The following NTRK2 variants were observed in gnomAD, a reference collection of about 807,000 sequenced individuals.
The protein encoded by NTRK2 is BDNF/NT-3 growth factors receptor.
A neutral mutation model predicts 94.5 loss-of-function variants in NTRK2; 13 were observed. The ratio of observed to expected loss-of-function variants is 0.14; its 90% CI spans 0.09 to 0.22. NTRK2 has a LOEUF of 0.22. NTRK2 is among the 10% of genes least tolerant of loss of function. The probability of loss-of-function intolerance (pLI) is 1.00; values close to 1 mark genes in which losing one functional copy is unlikely to be tolerated. For synonymous variants in NTRK2, 372 were observed against 407.4 expected (o/e 0.91, Z 1.05); for missense variants, 639 against 1,071.2 (o/e 0.60, Z 5.63).
chr9:84,918,307 TC>T (rs1168155718), intron 14 of NTRK2, among the ~76,000 whole-genome samples: 1 of 152,362 alleles, frequency 6.6e-6, no homozygotes, highest in Admixed American at 6.5e-5. Context: ...CTACCTCTTT[TC>T]TGCCTCCTTT....
chr9:84,684,421 G>C (rs2059586947), intron 2 of NTRK2, among the ~76,000 whole-genome samples: 1 of 152,160 alleles, frequency 6.6e-6, no homozygotes, highest in Admixed American at 6.5e-5. Context: ...TGGCTAGCCA[G>C]TTTTCCCAGT....
chr9:84,808,303 A>G (rs1034005374), intron 12 of NTRK2, among the ~76,000 whole-genome samples: 3 of 152,214 alleles, frequency 2.0e-5, no homozygotes, highest in African/African-American at 7.2e-5. Context: ...AGCCTGGTTA[A>G]GTTCCTGCTG....
intron 12 of NTRK2, among the ~76,000 whole-genome samples, chr9:84,834,207 T>C (rs531896314): frequency 1.6e-3 from 250 of 152,334 alleles, no homozygotes; most frequent in Non-Finnish European, 2.8e-3. Context: ...AATTTGAATT[T>C]TAGATAAACA....
chr9:84,792,406 T>TC (rs1392352397), intron 12 of NTRK2, among the ~76,000 whole-genome samples: 1 of 152,200 alleles, frequency 6.6e-6, no homozygotes. Context: ...AAGGGAAACT[T>TC]CAGTTAAAAA....
intron 17 of NTRK2, among the ~76,000 whole-genome samples, chr9:84,985,367 G>A (rs1252398220): frequency 6.6e-6 from 1 of 152,094 alleles, no homozygotes; most frequent in Non-Finnish European, 1.5e-5. Context: ...CACGTTATAG[G>A]GGCTACTGAT....
At chr9:84,868,560 CTG>C (rs1488582224) in intron 14 of NTRK2, among the ~76,000 whole-genome samples, 1 of 152,112 alleles carries the variant, frequency 6.6e-6, no homozygotes, top group African/African-American at 2.4e-5. Flanking sequence ...TTGGTTGACT[CTG>C]TAACATGACA....
At chr9:84,812,812 C>A in intron 12 of NTRK2, 1 of 1,039,344 alleles carries the variant, frequency 9.6e-7, no homozygotes, top group Non-Finnish European at 1.2e-6. Context: ...AGAAGGATTG[C>A]AAGGTAGATT....
chr9:84,702,867 T>C (rs549298105), intron 4 of NTRK2, among the ~76,000 whole-genome samples: 1 of 152,236 alleles, frequency 6.6e-6, no homozygotes, highest in African/African-American at 2.4e-5. Flanking sequence ...GAACCTTCAT[T>C]TTCCCAAAGC....
intron 14 of NTRK2, among the ~76,000 whole-genome samples, chr9:84,932,246 T>C (rs564987404): frequency 6.6e-6 from 1 of 152,298 alleles, no homozygotes; most frequent in East Asian, 1.9e-4. Flanking sequence ...ATAAGGGAAA[T>C]AATTCATACT....
intron 14 of NTRK2, among the ~76,000 whole-genome samples, chr9:84,885,534 C>A (rs902370952): frequency 2.6e-5 from 4 of 151,588 alleles, no homozygotes; most frequent in Admixed American, 2.0e-4. Flanking sequence ...TTTTAATAAT[C>A]CTGAGAAGCA....
chr9:84,723,175 A>C (rs1024987369), intron 6 of NTRK2, among the ~76,000 whole-genome samples: 5 of 152,202 alleles, frequency 3.3e-5, no homozygotes, highest in Non-Finnish European at 7.3e-5. Flanking sequence ...CATTAGTAAA[A>C]AATGGGGGGT....
At chr9:84,684,132 C>G (rs2059566271) in intron 2 of NTRK2, among the ~76,000 whole-genome samples, 1 of 148,742 alleles carries the variant, frequency 6.7e-6, no homozygotes, top group Non-Finnish European at 1.5e-5. Context: ...AATTTTCTCC[C>G]ATTCTGTAGG....
chr9:84,816,032 C>G (rs762429769), intron 12 of NTRK2, among the ~76,000 whole-genome samples: 1 of 150,966 alleles, frequency 6.6e-6, no homozygotes, highest in Non-Finnish European at 1.5e-5. Flanking sequence ...TTTTAAAAAC[C>G]CTAAATTCTA....
chr9:84,827,556 T>C (rs897263822), intron 12 of NTRK2, among the ~76,000 whole-genome samples: 2 of 152,224 alleles, frequency 1.3e-5, no homozygotes, highest in Admixed American at 1.3e-4. Context: ...CAATGTACAT[T>C]TTTAAAGAAC....
intron 12 of NTRK2, among the ~76,000 whole-genome samples, chr9:84,775,232 C>T (rs1372317534): frequency 6.6e-6 from 1 of 152,236 alleles, no homozygotes; most frequent in Non-Finnish European, 1.5e-5. Context: ...TGCTCCTCTC[C>T]CTCATTGCCC....
At chr9:84,737,601 T>G (rs1246004291) in intron 9 of NTRK2, among the ~76,000 whole-genome samples, 1 of 151,910 alleles carries the variant, frequency 6.6e-6, no homozygotes, top group African/African-American at 2.4e-5. Context: ...TTGTCAGGAG[T>G]GCGGCTGTGG....
At chr9:84,807,489 C>G (rs2071260863) in intron 12 of NTRK2, among the ~76,000 whole-genome samples, 1 of 152,174 alleles carries the variant, frequency 6.6e-6, no homozygotes, top group African/African-American at 2.4e-5. Context: ...GCAATGGTGG[C>G]AAAGTTTCTC....
At chr9:84,731,454 A>C (rs569002833) in intron 9 of NTRK2, among the ~76,000 whole-genome samples, 2 of 152,322 alleles carry the variant, frequency 1.3e-5, no homozygotes, top group South Asian at 4.1e-4. Flanking sequence ...AACGTAAAAA[A>C]TAATTTTTAA....
At chr9:84,726,307 T>G (rs755865833) in intron 8 of NTRK2, among the ~76,000 whole-genome samples, 1 of 152,106 alleles carries the variant, frequency 6.6e-6, no homozygotes, top group African/African-American at 2.4e-5. Flanking sequence ...GGCAACATGA[T>G]GAAACCCCGT....
Sources: gnomAD v4.1 joint callset for allele counts (sites outside exome capture counted in the v4.1 genomes callset) on GRCh38, gnomAD v4.1.1 for gene constraint, MANE v1.5 for transcripts, NCBI Gene and HGNC (gene_info 2026-07-23, HGNC 2026-07-21) for gene names.